Variants in GPC5 observed in about 807,000 individuals in gnomAD.
The protein encoded by GPC5 is glypican 5.
GPC5 carries 47 observed loss-of-function variants against 53.9 expected under a neutral mutation model. The ratio of observed to expected loss-of-function variants is 0.87; its 90% CI spans 0.69 to 1.11. The LOEUF is 1.11. Among genes scored for constraint, GPC5 ranks in the 50% most tolerant of loss-of-function variants. The pLI is 0.00. For missense variants in GPC5, 748 were observed against 713.1 expected, an observed-to-expected ratio of 1.05 and a Z score of -0.56; for synonymous variants, 286 against 263.3, an observed-to-expected ratio of 1.09 and a Z score of -0.84.
intron 5 of GPC5, among the ~76,000 whole-genome samples, chr13:91,813,617 G>A (rs965952480): frequency 6.6e-6 from 1 of 152,158 alleles, no homozygotes; most frequent in African/African-American, 2.4e-5. Context: ...AATCAGGAGT[G>A]GGGGTTAGGA....
At chr13:92,757,109 G>T (rs1378794508) in intron 7 of GPC5, among the ~76,000 whole-genome samples, 15 of 152,016 alleles carry the variant, frequency 9.9e-5, no homozygotes, top group Non-Finnish European at 2.1e-4. Flanking sequence ...AACCAAAACA[G>T]CATGGTACTG....
chr13:92,190,791 G>A (rs1200809026), intron 7 of GPC5, among the ~76,000 whole-genome samples: 2 of 152,084 alleles, frequency 1.3e-5, no homozygotes, highest in East Asian at 1.9e-4. Flanking sequence ...AAAGGCAGAA[G>A]GTAGAAGAAA....
chr13:91,490,497 T>C (rs1163692977), intron 2 of GPC5, among the ~76,000 whole-genome samples: 2 of 152,208 alleles, frequency 1.3e-5, no homozygotes, highest in Non-Finnish European at 2.9e-5. Flanking sequence ...TTGATAATCC[T>C]TATCAAGACT....
At chr13:91,427,985 T>C (rs933120979) in intron 1 of GPC5, among the ~76,000 whole-genome samples, 2 of 152,208 alleles carry the variant, frequency 1.3e-5, no homozygotes, top group East Asian at 3.8e-4. Context: ...CTGCCATGAT[T>C]GTAAGTTTCC....
intron 7 of GPC5, among the ~76,000 whole-genome samples, chr13:92,156,216 C>T (rs995742078): frequency 1.3e-5 from 2 of 152,036 alleles, no homozygotes; most frequent in Non-Finnish European, 2.9e-5. Flanking sequence ...CCACTTTCAG[C>T]AGTTACTCTT....
intron 7 of GPC5, among the ~76,000 whole-genome samples, chr13:92,693,368 G>A (rs750686750): frequency 9.2e-5 from 14 of 152,148 alleles, no homozygotes; most frequent in African/African-American, 1.7e-4. Flanking sequence ...GGAAAATTTC[G>A]AACTTCCTAG....
intron 6 of GPC5, among the ~76,000 whole-genome samples, chr13:92,052,380 C>A (rs1189504997): frequency 6.6e-6 from 1 of 152,094 alleles, no homozygotes; most frequent in African/African-American, 2.4e-5. Context: ...TGAGCAGCGG[C>A]AAGATTTATT....
chr13:91,752,810 G>C (rs1251699933), intron 4 of GPC5, among the ~76,000 whole-genome samples: 1 of 152,218 alleles, frequency 6.6e-6, no homozygotes, highest in African/African-American at 2.4e-5. Context: ...GATGTGCACA[G>C]TTCTTGAACC....
Position 91,934,380 on chromosome 13 carries a change from C to T in GPC5, c.1401+26323C>T, listed in dbSNP as rs112506515. ...TTTTTGGGGGTAGGCTCAGGCATGA[C>T]CCTGGGCAGTGACACATTGCAGATT... is the stretch of plus-strand genomic sequence containing the variant. On this transcript the variant is annotated intron_variant, in intron 6 of 7. Coordinates refer to ENST00000377067, the MANE Select transcript of GPC5 (RefSeq NM_004466.6). 1.1e-3 allele frequency among the ~76,000 whole-genome samples: 170 copies of T among 151,856 alleles called. 1 individual carries two copies. Among genetic ancestry groups the T allele is most frequent in the Non-Finnish European group, 1.8e-3 (119 of 67,832 alleles).
At chr13:92,582,366 T>C (rs533174715) in intron 7 of GPC5, among the ~76,000 whole-genome samples, 4 of 152,246 alleles carry the variant, frequency 2.6e-5, no homozygotes, top group African/African-American at 9.6e-5. Context: ...AATGAGTAGA[T>C]GTTTTTATTT....
At chr13:92,424,438 A>T (rs954695059) in intron 7 of GPC5, among the ~76,000 whole-genome samples, 1 of 152,048 alleles carries the variant, frequency 6.6e-6, no homozygotes, top group African/African-American at 2.4e-5. Flanking sequence ...TTTATTTTTT[A>T]ACTCATTAAA....
chr13:91,736,721 A>G (rs1273952412), intron 4 of GPC5, among the ~76,000 whole-genome samples: 1 of 151,384 alleles, frequency 6.6e-6, no homozygotes, highest in Non-Finnish European at 1.5e-5. Flanking sequence ...AATTAGTTGT[A>G]TATCCTCAAT....
At chr13:91,944,607 T>C (rs377262862) in intron 6 of GPC5, among the ~76,000 whole-genome samples, 1 of 152,186 alleles carries the variant, frequency 6.6e-6, no homozygotes, top group Admixed American at 6.5e-5. Context: ...ATCAGTAAAA[T>C]GTCTATTTAC....
intron 5 of GPC5, among the ~76,000 whole-genome samples, chr13:91,817,306 C>T (rs1298335338): frequency 1.3e-5 from 2 of 152,010 alleles, no homozygotes; most frequent in East Asian, 3.9e-4. Context: ...TTATTTTAGT[C>T]CAAAAAGGAA....
intron 6 of GPC5, among the ~76,000 whole-genome samples, chr13:92,079,579 G>T (rs574697266): frequency 2.0e-5 from 3 of 152,160 alleles, no homozygotes; most frequent in Admixed American, 6.5e-5. Flanking sequence ...GCCATGCCAG[G>T]CTCCTTCTTT....
At chr13:91,515,594 T>A (rs1885456209) in intron 2 of GPC5, among the ~76,000 whole-genome samples, 2 of 152,338 alleles carry the variant, frequency 1.3e-5, no homozygotes, top group South Asian at 4.1e-4. Flanking sequence ...GTGTTTTCCA[T>A]AAAAATACCT....
intron 7 of GPC5, among the ~76,000 whole-genome samples, chr13:92,367,895 C>T (rs986950005): frequency 6.6e-5 from 10 of 152,072 alleles, no homozygotes; most frequent in Non-Finnish European, 1.5e-4. Flanking sequence ...CAAGATAGTC[C>T]TTCTTCTGAA....
At chr13:91,889,940 C>G (rs1380945347) in intron 5 of GPC5, among the ~76,000 whole-genome samples, 1 of 152,090 alleles carries the variant, frequency 6.6e-6, no homozygotes, top group Non-Finnish European at 1.5e-5. Flanking sequence ...AAATAACAAA[C>G]AGAGAGAAAT....
At chr13:91,897,436 C>A (rs1252015167) in intron 5 of GPC5, among the ~76,000 whole-genome samples, 1 of 151,742 alleles carries the variant, frequency 6.6e-6, no homozygotes, top group Admixed American at 6.6e-5. Context: ...ATATGCCTGG[C>A]ACTTAAGAAT....
Sources: allele counts gnomAD v4.1 joint callset (sites outside exome capture counted in the v4.1 genomes callset), GRCh38; gene constraint gnomAD v4.1.1; transcripts MANE v1.5; gene names NCBI Gene and HGNC (gene_info 2026-07-23, HGNC 2026-07-21).